The following DMD variants were observed in gnomAD, a reference collection of about 807,000 sequenced individuals.
The protein encoded by DMD is mutant dystrophin.
Under a neutral mutation model 330.1 loss-of-function variants are expected in DMD, and 63 were observed. That is an observed-to-expected ratio of 0.19 (90% CI 0.16 to 0.24). The LOEUF is 0.24. Ranked by LOEUF, DMD falls within the 10% of genes least tolerant of loss-of-function variation. The pLI, the probability that DMD is intolerant of heterozygous loss-of-function variation, is 1.00. For missense variants in DMD, 3,344 were observed against 2,684.1 expected (o/e 1.25, Z -5.43); for synonymous variants, 1,223 against 959.8 (o/e 1.27, Z -5.07).
At chrX:32,837,653 G>A (rs1222891184) in intron 4 of DMD, among the ~76,000 whole-genome samples, 1 of 111,625 alleles carries the variant, frequency 9.0e-6, no homozygotes, top group African/African-American at 3.3e-5. Flanking sequence ...TGTATGCCAC[G>A]TGTTTAATAT....
intron 11 of DMD, among the ~76,000 whole-genome samples, chrX:32,643,403 A>AT (rs1281908735): frequency 9.2e-6 from 1 of 109,279 alleles, no homozygotes; most frequent in East Asian, 2.9e-4. Context: ...CATTTGGACA[A>AT]TTTTTTTCAC....
chrX:32,647,621 C>T (rs767868227), intron 9 of DMD, among the ~76,000 whole-genome samples: 1 of 111,772 alleles, frequency 8.9e-6, no homozygotes, highest in South Asian at 3.7e-4. Flanking sequence ...GTTACCTAGC[C>T]CTGCATAAGC....
chrX:32,946,239 G>C (rs2090797018), intron 2 of DMD, among the ~76,000 whole-genome samples: 1 of 110,498 alleles, frequency 9.0e-6, no homozygotes, highest in Non-Finnish European at 1.9e-5. Context: ...TTACAGCTTT[G>C]TTCTTATTCC....
intron 2 of DMD, among the ~76,000 whole-genome samples, chrX:32,853,769 G>GAAAAAAAAAAAAAA (rs1162458210): frequency 3.6e-5 from 2 of 56,057 alleles, no homozygotes; most frequent in African/African-American, 7.6e-5. Flanking sequence ...CACAGTGACA[G>GAAAAAAAAAAAAAA]AAAAAAAAAA....
At chrX:32,236,379 G>C (rs911637510) in intron 43 of DMD, among the ~76,000 whole-genome samples, 2 of 112,110 alleles carry the variant, frequency 1.8e-5, no homozygotes, top group African/African-American at 6.5e-5. Context: ...ATTTCTACAA[G>C]AATGAGAGTT....
At chrX:31,777,013 T>A (rs2090710918) in intron 50 of DMD, among the ~76,000 whole-genome samples, 1 of 112,038 alleles carries the variant, frequency 8.9e-6, no homozygotes, top group Admixed American at 9.4e-5. Flanking sequence ...TCAGACTTTC[T>A]CACTGCTCTA....
At chrX:32,503,098 A>C (rs779746229) in intron 18 of DMD, among the ~76,000 whole-genome samples, 1 of 112,616 alleles carries the variant, frequency 8.9e-6, no homozygotes, top group Non-Finnish European at 1.9e-5. Flanking sequence ...CATTCCTTTA[A>C]AAGCAAATAG....
intron 55 of DMD, among the ~76,000 whole-genome samples, chrX:31,552,510 G>A (rs2074546718): frequency 9.0e-6 from 1 of 111,369 alleles, no homozygotes; most frequent in Non-Finnish European, 1.9e-5. Flanking sequence ...AGAAATGGGA[G>A]GCAGCACGAC....
intron 25 of DMD, among the ~76,000 whole-genome samples, chrX:32,461,988 G>A (rs951555442): frequency 7.3e-5 from 8 of 109,783 alleles, no homozygotes; most frequent in Admixed American, 9.8e-5. Context: ...ATTTTCAAAT[G>A]TAGCTTTTGC....
intron 44 of DMD, among the ~76,000 whole-genome samples, chrX:32,007,084 G>C (rs1457381542): frequency 1.4e-5 from 1 of 70,297 alleles, no homozygotes; most frequent in Non-Finnish European, 2.6e-5. Context: ...GGGGGGAGGG[G>C]GGGAGGGATA....
chrX:32,656,138 T>C (rs189696513), intron 9 of DMD, among the ~76,000 whole-genome samples: 1 of 112,035 alleles, frequency 8.9e-6, no homozygotes, highest in East Asian at 2.8e-4. Flanking sequence ...CCCTTGCAGT[T>C]AGATGTGGCA....
chrX:32,763,172 G>A (rs746180363), intron 7 of DMD, among the ~76,000 whole-genome samples: 10 of 111,221 alleles, frequency 9.0e-5, no homozygotes, highest in African/African-American at 3.3e-4. Context: ...TGTATTAATA[G>A]GACCATTTCT....
At chrX:32,171,773 A>T (rs1024977159) in intron 44 of DMD, among the ~76,000 whole-genome samples, 3 of 111,897 alleles carry the variant, frequency 2.7e-5, no homozygotes, top group African/African-American at 9.7e-5. Context: ...GATCTTTCCC[A>T]TACATTTCAG....
At position 33,275,135 on chromosome X, in the gene DMD, T is replaced by G. The variant is rs188588368; in HGVS notation, c.7+64124A>C. Among the ~76,000 whole-genome samples the G allele has an allele frequency of 1.1e-4, 12 of 112,450 alleles. No individual in the cohort carries two copies. In the East Asian group the frequency reaches 3.3e-3, roughly 31 times the overall value. On this transcript the variant is annotated intron_variant, in intron 1 of 17. Coordinates refer to the DMD transcript ENST00000288447. ...TTCAGGCTGCATGAAATCTTAGAGA[T>G]TTCACTTAAGCTTTTGTGCAAATTA...
At chrX:32,742,722 GA>G (rs772057079) in intron 7 of DMD, among the ~76,000 whole-genome samples, 1 of 111,957 alleles carries the variant, frequency 8.9e-6, no homozygotes, top group African/African-American at 3.2e-5. Context: ...TAGGTATAAG[GA>G]AAAAGGCTGG....
chrX:32,845,861 C>T (rs2080610063), intron 3 of DMD, among the ~76,000 whole-genome samples: 1 of 112,219 alleles, frequency 8.9e-6, no homozygotes, highest in Non-Finnish European at 1.9e-5. Flanking sequence ...AAGAGGCATA[C>T]ACAAGTTACA....
chrX:31,830,607 A>C (rs73464022), intron 49 of DMD, among the ~76,000 whole-genome samples: 14,201 of 111,770 alleles, frequency 0.13, 650 homozygotes, highest in East Asian at 0.19. Flanking sequence ...AAACAAACAA[A>C]CAACCAAAAT....
intron 6 of DMD, among the ~76,000 whole-genome samples, chrX:32,812,743 T>G (rs1186116055): frequency 8.9e-6 from 1 of 112,569 alleles, no homozygotes; most frequent in Admixed American, 9.4e-5. Context: ...TCCCTCCATA[T>G]TTTCCAATAC....
At chrX:31,524,788 T>G (rs2073123208) in intron 55 of DMD, among the ~76,000 whole-genome samples, 1 of 111,437 alleles carries the variant, frequency 9.0e-6, no homozygotes, top group African/African-American at 3.3e-5. Flanking sequence ...GTGCTTGCCC[T>G]GAGAAGCTGA....
Sources: gnomAD v4.1 joint callset for allele counts (sites outside exome capture counted in the v4.1 genomes callset) on GRCh38, gnomAD v4.1.1 for gene constraint, MANE v1.5 for transcripts, NCBI Gene and HGNC (gene_info 2026-07-23, HGNC 2026-07-21) for gene names.